TMF1: variants seen among roughly 807,000 people sequenced by gnomAD.
TMF1 encodes the protein TATA element modulatory factor 1, also known as TATA element modulatory factor.
Under a neutral mutation model 126.5 loss-of-function variants are expected in TMF1, and 71 were observed. The observed-to-expected ratio is 0.56, with a 90% confidence interval of 0.46 to 0.68. The LOEUF is 0.68. Among genes scored for constraint, TMF1 ranks in the 30% least tolerant of loss-of-function variants. The pLI is 0.00. For missense variants in TMF1, 1,259 were observed against 1,253.2 expected (o/e 1.00, Z -0.07); for synonymous variants, 461 against 430.5 (o/e 1.07, Z -0.88).
chr3:69,052,038 G>T lies in TMF1; in HGVS notation c.49C>A (p.Leu17Met). 1 of 1,613,786 alleles carries T rather than the reference G, an allele frequency of 6.2e-7. No individual in the cohort carries two copies. Residue 17 changes from leucine to methionine, a missense_variant, in exon 1 of 17, where the codon CTG becomes ATG. Transcript: ENST00000398559. ...TCAATAGACTTCTGGGCCTGGGACA[G>T]GGCCTGCTTAGCGAAGCTGGAGAGC... is the stretch of plus-strand genomic sequence containing the variant. ...SQLSSFAKQA[L>M]SQAQKSIDRV... is the part of the protein sequence containing the mutation.
rs1270798876 is a variant in TMF1 at position 69,019,959 on chromosome 3, A to G, written c.*3218T>C. ...TACAAAATATGTGATTAAAGTTTTC[A>G]TGGTTTAAAATGGACCTAGAATATG... On this transcript the variant is annotated 3_prime_UTR_variant, in exon 17 of 17. Transcript: ENST00000398559. The G allele has an allele frequency of 6.6e-6, 1 of 152,132 alleles. No homozygotes were observed. Among genetic ancestry groups the G allele is most frequent in the Non-Finnish European group, 1.5e-5 (1 of 68,006 alleles). 9.4% of individuals were successfully genotyped at this position (152,132 alleles called of 1,614,324 possible). A position where few individuals can be genotyped will look rare whatever the true frequency, so the allele number is the denominator to read the frequency against.
chr3:69,038,682 T>C lies in TMF1; in HGVS notation c.2033A>G (p.Asp678Gly). The C allele has an allele frequency of 6.2e-7, 1 of 1,614,026 alleles. No homozygotes were observed. The highest frequency in any genetic ancestry group is 8.5e-7 in the Non-Finnish European group (1 of 1,179,992). The part of the protein sequence containing the change: ...TDLHKANAAK[D>G]SEAQEAALSR... The stretch of plus-strand genomic sequence containing the variant: ...CAGAGCAGCTTCCTGTGCCTCACTA[T>C]CCTTTGCAGCATTGGCTTTGTGAAG... The change falls in exon 8 of 17, where the codon GAT (aspartate) becomes GGT (glycine). Residue 678 changes from aspartate (D) to glycine (G), a missense_variant. Physicochemically the swap from Asp to Gly is moderately conservative, Grantham distance 94. Coordinates refer to ENST00000398559, the MANE Select transcript of TMF1 (RefSeq NM_007114.3).
At chr3:69,025,751 T>A (rs1232782327) in intron 14 of TMF1, 39 bp from the exon 15 acceptor site, 2 of 1,580,306 alleles carry the variant, frequency 1.3e-6, no homozygotes, top group Admixed American at 3.7e-5. Flanking sequence ...TACTCAGTTA[T>A]CATAGCTTGT....
intron 15 of TMF1, 110 bp downstream of exon 15, chr3:69,025,448 CTA>C (rs1380609415): frequency 2.8e-6 from 3 of 1,084,096 alleles, no homozygotes; most frequent in Non-Finnish European, 4.0e-6. Context: ...TCACATGCCA[CTA>C]TGTCATCTTG....
rs1183070309 is a variant in TMF1, at chr3:69,020,368, G to C, written c.*2809C>G. 4 of 152,106 alleles carry C rather than the reference G, an allele frequency of 2.6e-5. No homozygotes were observed. Among genetic ancestry groups the C allele is most frequent in the Non-Finnish European group, 5.9e-5 (4 of 67,996 alleles). 9.4% of individuals were successfully genotyped at this position (152,106 alleles called of 1,614,324 possible). A position where few individuals can be genotyped will look rare whatever the true frequency, so the allele number is the denominator to read the frequency against. On this transcript the variant is annotated 3_prime_UTR_variant, in exon 17 of 17. Coordinates refer to ENST00000398559, the MANE Select transcript of TMF1 (RefSeq NM_007114.3). ...AATAGGTAAAAGAAATGTAAGAAAT[G>C]GTAGACTCAGTTTAGCCTCCCAAGA...
chr3:69,021,682 TTTG>T lies in TMF1; in HGVS notation c.*1492_*1494del, dbSNP rs1221036313. On this transcript the variant is annotated 3_prime_UTR_variant, in exon 17 of 17. Coordinates refer to ENST00000398559, the MANE Select transcript of TMF1 (RefSeq NM_007114.3). ...ATTTTAACTAAAAATTAAATAAGAG[TTTG>T]TTTTTTTTTTTTTGAGACGGAGTCT... 3 of 147,662 alleles carry T rather than the reference TTTG, an allele frequency of 2.0e-5. No homozygotes were observed. The highest frequency in any genetic ancestry group is 2.1e-4 in the South Asian group (1 of 4,656). The allele number at this position is 147,662 out of a possible 1,614,324, so 9.1% of individuals were successfully genotyped here.
chr3:69,033,608 T>A lies in TMF1; in HGVS notation c.2341A>T (p.Thr781Ser). The A allele has an allele frequency of 6.2e-7, 1 of 1,613,782 alleles. No individual in the cohort carries two copies. The highest frequency in any genetic ancestry group is 8.5e-7 in the Non-Finnish European group (1 of 1,179,968). ...LLRQIENLQATLGSQTSSWEK... is the reference protein window; with the variant it reads ...LLRQIENLQASLGSQTSSWEK... Reference sequence around the variant, plus strand: ...CACGACGATGTCTGGGATCCCAGGGTTGCTTGCAAATTTTCTATTTGTCGA... The same window carrying A: ...CACGACGATGTCTGGGATCCCAGGGATGCTTGCAAATTTTCTATTTGTCGA... The change falls in exon 10 of 17, where the codon ACC becomes TCC. Residue 781 changes from threonine (T) to serine (S), a missense_variant. By Grantham distance (58) the Thr-to-Ser change is moderately conservative. Transcript: ENST00000398559.
Position 69,047,777 on chromosome 3 carries a change from A to T in TMF1, c.928T>A (p.Phe310Ile), listed in dbSNP as rs191239433. 6.3e-3 allele frequency: 10,171 copies of T among 1,614,122 alleles called. 40 individuals are homozygous for T. The highest frequency in any genetic ancestry group is 7.9e-3 in the Non-Finnish European group (9,326 of 1,180,036). ...ACPEYNRLDD[F>I]QKLTESCCSS... Reference sequence around the variant, plus strand: ...CAGCAACTCTCAGTGAGTTTTTGGAAATCATCTAAACGATTATATTCAGGA... The same window carrying T: ...CAGCAACTCTCAGTGAGTTTTTGGATATCATCTAAACGATTATATTCAGGA... The change falls in exon 2 of 17, where the codon TTC becomes ATC. Residue 310 changes from phenylalanine to isoleucine, a missense_variant. Transcript: ENST00000398559.
chr3:69,052,122 C>A lies in TMF1; in HGVS notation c.-36G>T. The A allele has an allele frequency of 1.3e-6, 2 of 1,591,098 alleles. No homozygotes were observed. The highest frequency in any genetic ancestry group is 1.7e-6 in the Non-Finnish European group (2 of 1,171,228). On this transcript the variant is annotated 5_prime_UTR_variant, in exon 1 of 17. Transcript: ENST00000398559. ...CAGCCGGCAGTGGCGGCGGCAGCAC[C>A]AAGCGGGAAGGCCTCAGGCCTGGGG...
At chr3:69,042,520 G>T in intron 5 of TMF1, 1 of 536,520 alleles carries the variant, frequency 1.9e-6, no homozygotes, top group Non-Finnish European at 3.5e-6. Context: ...TAAATGACAG[G>T]CTCTTAAGAC....
In TMF1 at chr3:69,024,132, G is replaced by T; in HGVS notation, c.3061C>A (p.Leu1021Ile). Reference sequence around the variant, plus strand: ...TCATTTTGATTTGTTAATTTAACTAGTTCTTCAGCCATTATTGATCGAGTT... The same window carrying T: ...TCATTTTGATTTGTTAATTTAACTATTTCTTCAGCCATTATTGATCGAGTT... The part of the protein sequence containing the change: ...EKTRSIMAEE[L>I]VKLTNQNDEL... The change falls in exon 16 of 17, where the codon CTA (leucine) becomes ATA (isoleucine). Residue 1021 changes from leucine (L) to isoleucine (I), a missense_variant. Coordinates refer to ENST00000398559, the MANE Select transcript of TMF1 (RefSeq NM_007114.3). 6.2e-7 allele frequency: 1 copy of T among 1,609,730 alleles called. No homozygotes were observed. The highest frequency in any genetic ancestry group is 1.1e-5 in the South Asian group (1 of 90,104).
chr3:69,038,595 GCTT>G lies in TMF1; in HGVS notation c.2117_2119del (p.Glu706del). On this transcript the variant is annotated inframe_deletion, in exon 8 of 17. Coordinates refer to ENST00000398559, the MANE Select transcript of TMF1 (RefSeq NM_007114.3). ...GGCTAATGTTTCTTGCTGCTGACGG[GCTT>G]CTTCTTGGGCCTTCTCTAATGCTGC... 6.2e-7 allele frequency: 1 copy of G among 1,613,946 alleles called. No homozygotes were observed. Among genetic ancestry groups the G allele is most frequent in the Non-Finnish European group, 8.5e-7 (1 of 1,179,942 alleles).
intron 5 of TMF1, chr3:69,040,455 A>C (rs1246728681): frequency 1.3e-5 from 2 of 152,280 alleles, no homozygotes; most frequent in Non-Finnish European, 2.9e-5. Flanking sequence ...GCAGAATGTT[A>C]CGGTATTTGT....
rs1250339701 is a variant in TMF1, at chr3:69,023,263, C to T, written c.3196G>A (p.Ala1066Thr). The change falls in exon 17 of 17, where the codon GCA becomes ACA. Residue 1066 changes from alanine (A) to threonine (T), a missense_variant. Transcript: ENST00000398559. ...TCGAGATCTAATCGAAGTTCTTCTG[C>T]CTCTTCTGCTTTTTCTCCATACATC... ...LQMYGEKAEE[A>T]EELRLDLEDV... The T allele has an allele frequency of 1.2e-6, 2 of 1,611,952 alleles. No individual in the cohort carries two copies. Among genetic ancestry groups the T allele is most frequent in the East Asian group, 2.2e-5 (1 of 44,690 alleles).
At chr3:69,043,422 G>T (rs373525616) in intron 4 of TMF1, among the ~76,000 whole-genome samples, 1 of 151,704 alleles carries the variant, frequency 6.6e-6, no homozygotes, top group East Asian at 1.9e-4. Context: ...CACCCTCTTC[G>T]GCCTCCTGAG....
At chr3:69,049,760 T>A (rs888468743) in intron 1 of TMF1, among the ~76,000 whole-genome samples, 3 of 152,190 alleles carry the variant, frequency 2.0e-5, no homozygotes, top group Non-Finnish European at 4.4e-5. Context: ...AAATCCTGAT[T>A]TTTAAAAATG....
At chr3:69,030,266 A>C in intron 10 of TMF1, 2 of 332,278 alleles carry the variant, frequency 6.0e-6, no homozygotes, top group Non-Finnish European at 1.1e-5. Flanking sequence ...CCAACACCAA[A>C]TGGTCCTGGA....
At chr3:69,051,651 C>G (rs1254802493) in intron 1 of TMF1, among the ~76,000 whole-genome samples, 2 of 152,028 alleles carry the variant, frequency 1.3e-5, no homozygotes, top group African/African-American at 2.4e-5. Context: ...GAAGCTGCGT[C>G]GAGGGAGAGC....
chr3:69,048,241 G>A lies in TMF1; in HGVS notation c.464C>T (p.Ser155Phe), dbSNP rs758762147. Reference protein sequence around the residue: ...PETTESQVKDSSLCVSGETLA... With the variant: ...PETTESQVKDFSLCVSGETLA... ...AGTTTCCCCTGAAACACACAAAGAA[G>A]AGTCTTTTACTTGTGATTCAGTTGT... The change falls in exon 2 of 17, where the codon TCT becomes TTT. Residue 155 changes from serine to phenylalanine, a missense_variant. Ser to Phe is a radical substitution (Grantham distance 155, BLOSUM62 -2). Coordinates refer to ENST00000398559, the MANE Select transcript of TMF1 (RefSeq NM_007114.3). 3 of 1,614,076 alleles carry A rather than the reference G, an allele frequency of 1.9e-6. No homozygotes were observed. In the South Asian group the frequency reaches 3.3e-5, roughly 18 times the overall value.
Sources: gnomAD v4.1 joint callset for allele counts (sites outside exome capture counted in the v4.1 genomes callset) on GRCh38, gnomAD v4.1.1 for gene constraint, MANE v1.5 for transcripts, NCBI Gene and HGNC (gene_info 2026-07-23, HGNC 2026-07-21) for gene names.